Variants in CTNND2 observed in about 807,000 individuals in gnomAD.
CTNND2 encodes the protein catenin delta-2.
In CTNND2, 22 loss-of-function variants were observed where a neutral mutation model predicts 144.4. The observed-to-expected ratio is 0.15, with a 90% CI of 0.11 to 0.22. The LOEUF (loss-of-function observed/expected upper bound fraction) is 0.22, where lower values mean the gene tolerates loss of function less well. Among genes scored for constraint, CTNND2 ranks in the 10% least tolerant of loss-of-function variants. The probability of loss-of-function intolerance (pLI) is 1.00; values close to 1 mark genes in which losing one functional copy is unlikely to be tolerated. For synonymous variants in CTNND2, 751 were observed against 695.6 expected, an observed-to-expected ratio of 1.08 and a Z score of -1.25; for missense variants, 1,353 against 1,618.8, an observed-to-expected ratio of 0.84 and a Z score of 2.82.
At chr5:11,162,608 A>G (rs1320989309) in intron 11 of CTNND2, among the ~76,000 whole-genome samples, 1 of 152,212 alleles carries the variant, frequency 6.6e-6, no homozygotes, top group South Asian at 2.1e-4. Flanking sequence ...TGCTTCCTGG[A>G]CTTATTACAA....
intron 15 of CTNND2, among the ~76,000 whole-genome samples, chr5:11,084,957 A>G (rs570155496): frequency 7.0e-4 from 106 of 152,132 alleles, no homozygotes; most frequent in African/African-American, 2.4e-3. Flanking sequence ...CTCCATGCTC[A>G]GTCTCCCAGA....
At chr5:11,172,455 A>C (rs1760027259) in intron 11 of CTNND2, among the ~76,000 whole-genome samples, 1 of 152,216 alleles carries the variant, frequency 6.6e-6, no homozygotes, top group Non-Finnish European at 1.5e-5. Flanking sequence ...AGTTGACAAA[A>C]TCTTCTTTGG....
chr5:11,900,043 C>G (rs1397589430), intron 1 of CTNND2, among the ~76,000 whole-genome samples: 3 of 151,982 alleles, frequency 2.0e-5, no homozygotes, highest in African/African-American at 7.2e-5. Flanking sequence ...AACTTTATTA[C>G]AAAATATTGT....
intron 9 of CTNND2, among the ~76,000 whole-genome samples, chr5:11,287,965 T>C (rs1747922770): frequency 6.6e-6 from 1 of 152,196 alleles, no homozygotes. Context: ...TAACAGCAAA[T>C]AATTTATTTT....
intron 12 of CTNND2, among the ~76,000 whole-genome samples, chr5:11,148,804 C>G (rs1757479446): frequency 6.6e-6 from 1 of 152,192 alleles, no homozygotes; most frequent in Admixed American, 6.5e-5. Context: ...ATGATTTCCC[C>G]TCAAACAGGA....
At position 11,250,491 on chromosome 5, in the gene CTNND2, CTATA is replaced by C. The variant is rs1285130441; in HGVS notation, c.1629-13672_1629-13669del. Among the ~76,000 whole-genome samples the C allele has an allele frequency of 2.3e-4, 15 of 64,108 alleles. No homozygotes were observed. The South Asian group carries it at 3.7e-3, about 16-fold the overall frequency. The allele number at this position is 64,108 out of a possible 152,430, so 42.1% of individuals were successfully genotyped here. On this transcript the variant is annotated intron_variant, in intron 9 of 21. Transcript: ENST00000304623. ...TCTCTCTCTCTCTCTCTCTCTCTCT[CTATA>C]TATATATATATATATATACATATAT... is the stretch of plus-strand genomic sequence containing the variant.
chr5:11,570,394 T>G (rs569099581), intron 2 of CTNND2, among the ~76,000 whole-genome samples: 1 of 152,320 alleles, frequency 6.6e-6, no homozygotes, highest in Non-Finnish European at 1.5e-5. Context: ...GAAAATGTCT[T>G]TCCAGATACA....
chr5:11,262,761 C>CAAAAAAAAAAAAAAA (rs11289676), intron 9 of CTNND2, among the ~76,000 whole-genome samples: 265 of 45,704 alleles, frequency 5.8e-3, no homozygotes, highest in Non-Finnish European at 6.9e-3. Flanking sequence ...GACTCTGTCT[C>CAAAAAAAAAAAAAAA]AAAAAAAAAA....
Position 11,903,471 on chromosome 5 carries a change from T to G in CTNND2, c.37+346A>C, listed in dbSNP as rs1450209845. On this transcript the variant is annotated intron_variant, in intron 1 of 21. Coordinates refer to ENST00000304623, the MANE Select transcript of CTNND2 (RefSeq NM_001332.4). This position sits in a 1 kb window ranked among gnomAD's most constrained non-coding sequence, Gnocchi z 5.4. ...TCCCGTATATTAGGGACGTCATGAA[T>G]GCACCGAGTATGTTCTCAGGGTGGC... is the stretch of plus-strand genomic sequence containing the variant. 2 of 702,278 alleles carry G rather than the reference T, an allele frequency of 2.8e-6. No homozygotes were observed. Among genetic ancestry groups the G allele is most frequent in the South Asian group, 4.4e-5 (1 of 22,670 alleles). The allele number at this position is 702,278 out of a possible 1,614,324, so 43.5% of individuals were successfully genotyped here.
chr5:11,116,810 C>A (rs547573945), intron 13 of CTNND2, among the ~76,000 whole-genome samples: 1 of 152,154 alleles, frequency 6.6e-6, no homozygotes, highest in African/African-American at 2.4e-5. Context: ...GTAATCCCAG[C>A]ACTTTGGGAG....
At chr5:11,563,494 A>G (rs1776834687) in intron 3 of CTNND2, among the ~76,000 whole-genome samples, 1 of 152,192 alleles carries the variant, frequency 6.6e-6, no homozygotes, top group South Asian at 2.1e-4. Context: ...AACTTATAAA[A>G]CCAACTTCAA....
chr5:11,812,137 G>C lies in CTNND2; in HGVS notation c.38-79865C>G, dbSNP rs77780140. Among the ~76,000 whole-genome samples, 979 of 152,244 alleles carry C rather than the reference G, an allele frequency of 6.4e-3. 21 individuals are homozygous for C. The highest frequency in any genetic ancestry group is 0.022 in the African/African-American group (927 of 41,530). ...CTTATGAAGCTTACCTTTAAAAGGAGAGAAATAAACCATAAACACAAAGAA... is the reference window on the plus strand; with the variant it reads ...CTTATGAAGCTTACCTTTAAAAGGACAGAAATAAACCATAAACACAAAGAA... On this transcript the variant is annotated intron_variant, in intron 1 of 21. Transcript: ENST00000304623.
intron 7 of CTNND2, among the ~76,000 whole-genome samples, chr5:11,371,372 G>A (rs1757464745): frequency 6.6e-6 from 1 of 152,192 alleles, no homozygotes; most frequent in African/African-American, 2.4e-5. Flanking sequence ...TGTGTACTAG[G>A]TAAATTGTTG....
At chr5:11,104,027 C>A (rs1259090135) in intron 14 of CTNND2, among the ~76,000 whole-genome samples, 1 of 152,172 alleles carries the variant, frequency 6.6e-6, no homozygotes, top group African/African-American at 2.4e-5. Flanking sequence ...TTCATACAGT[C>A]TCCGCCAATC....
intron 8 of CTNND2, among the ~76,000 whole-genome samples, chr5:11,354,068 G>A (rs1379694845): frequency 6.6e-6 from 1 of 152,160 alleles, no homozygotes; most frequent in African/African-American, 2.4e-5. Context: ...GAGGCTGCAT[G>A]GGGCAACCTG....
At chr5:11,625,154 C>A (rs1469422803) in intron 2 of CTNND2, among the ~76,000 whole-genome samples, 2 of 152,042 alleles carry the variant, frequency 1.3e-5, no homozygotes, top group Non-Finnish European at 2.9e-5. Flanking sequence ...TGCTATGAAT[C>A]AGTGTACCTT....
At chr5:11,084,403 T>C (rs574590099) in intron 15 of CTNND2, among the ~76,000 whole-genome samples, 6 of 152,204 alleles carry the variant, frequency 3.9e-5, no homozygotes, top group Admixed American at 3.3e-4. Flanking sequence ...GAGTCTCCAG[T>C]CCCCAGCTTG....
chr5:11,163,508 G>T (rs1311618308), intron 11 of CTNND2, among the ~76,000 whole-genome samples: 1 of 152,146 alleles, frequency 6.6e-6, no homozygotes, highest in East Asian at 1.9e-4. Context: ...CTAAATTGTG[G>T]AGTAATTTGT....
intron 12 of CTNND2, among the ~76,000 whole-genome samples, chr5:11,136,071 C>T (rs907308832): frequency 3.9e-5 from 6 of 152,152 alleles, no homozygotes; most frequent in African/African-American, 1.4e-4. Context: ...AGTCTGTTAG[C>T]CTCTTCCACC....
Sources: allele counts gnomAD v4.1 joint callset (sites outside exome capture counted in the v4.1 genomes callset), GRCh38; gene constraint gnomAD v4.1.1; non-coding constraint Gnocchi (gnomAD v3.1); transcripts MANE v1.5; gene names NCBI Gene and HGNC (gene_info 2026-07-23, HGNC 2026-07-21).